The following NR2F1-AS1 variants were observed in gnomAD, a reference collection of about 807,000 sequenced individuals.
The protein encoded by NR2F1-AS1 is NR2F1 regulatory antisense RNA 1.
intron 2 of NR2F1-AS1, among the ~76,000 whole-genome samples, chr5:93,562,272 A>G (rs1421248650): frequency 6.6e-6 from 1 of 152,128 alleles, no homozygotes; most frequent in Non-Finnish European, 1.5e-5. Context: ...TTTAAGATAC[A>G]TACTAAATAA....
intron 4 of NR2F1-AS1, among the ~76,000 whole-genome samples, chr5:93,489,047 A>G (rs1381523556): frequency 1.3e-5 from 2 of 152,140 alleles, no homozygotes; most frequent in East Asian, 1.9e-4. Context: ...GAGTTGAACA[A>G]TGAGAACACA....
intron 4 of NR2F1-AS1, among the ~76,000 whole-genome samples, chr5:93,465,854 T>TA (rs921793279): frequency 6.7e-6 from 1 of 148,880 alleles, no homozygotes; most frequent in Non-Finnish European, 1.5e-5. Flanking sequence ...TGTTCTCACT[T>TA]ATAGGTGGGA....
At chr5:93,461,154 T>TA (rs1186354713) in intron 4 of NR2F1-AS1, among the ~76,000 whole-genome samples, 3 of 152,084 alleles carry the variant, frequency 2.0e-5, no homozygotes, top group Non-Finnish European at 4.4e-5. Context: ...TATGCAGCCA[T>TA]AAAAAGGAAC....
At chr5:93,537,830 A>T (rs1416474154) in intron 4 of NR2F1-AS1, among the ~76,000 whole-genome samples, 1 of 152,150 alleles carries the variant, frequency 6.6e-6, no homozygotes, top group Non-Finnish European at 1.5e-5. Context: ...CATTTCATTC[A>T]ATGTCCTTCA....
At chr5:93,462,872 T>G (rs1005949679) in intron 4 of NR2F1-AS1, among the ~76,000 whole-genome samples, 1 of 152,138 alleles carries the variant, frequency 6.6e-6, no homozygotes, top group African/African-American at 2.4e-5. Context: ...CAAAACATTC[T>G]AAAGGTGACT....
chr5:93,460,334 CG>C (rs1334646547), intron 4 of NR2F1-AS1, among the ~76,000 whole-genome samples: 1 of 152,062 alleles, frequency 6.6e-6, no homozygotes, highest in African/African-American at 2.4e-5. Context: ...CACGCAGCAC[CG>C]GGAAGGCTTA....
chr5:93,495,751 T>C (rs1372291276), intron 4 of NR2F1-AS1, among the ~76,000 whole-genome samples: 3 of 152,150 alleles, frequency 2.0e-5, no homozygotes, highest in African/African-American at 7.2e-5. Flanking sequence ...ACAAATATGA[T>C]GATTTGTATA....
At chr5:93,572,703 G>C (rs1752801837) in intron 1 of NR2F1-AS1, among the ~76,000 whole-genome samples, 1 of 152,244 alleles carries the variant, frequency 6.6e-6, no homozygotes, top group African/African-American at 2.4e-5. Context: ...AGACAGGCCG[G>C]TGTTTGGGGG....
In NR2F1-AS1 at chr5:93,530,075, C is replaced by CTTT. The variant is rs1227046832; in HGVS notation, n.638+23683_638+23685dup. Among the ~76,000 whole-genome samples the CTTT allele has an allele frequency of 3.7e-3, 363 of 97,896 alleles. 1 individual carries two copies. The highest frequency in any genetic ancestry group is 4.3e-3 in the Non-Finnish European group (218 of 51,066). The allele number at this position is 97,896 out of a possible 152,430, so 64.2% of individuals were successfully genotyped here. A position where few individuals can be genotyped will look rare whatever the true frequency, so the allele number is the denominator to read the frequency against. On this transcript the variant is annotated intron_variant and non_coding_transcript_variant, in intron 4 of 5. Transcript: ENST00000660523. The stretch of plus-strand genomic sequence containing the variant: ...CTGCCTCCCACCTACAATTTGAAGG[C>CTTT]TTTTTTTTTTTTTTTTTTTTTTTGA...
chr5:93,563,132 G>C, intron 2 of NR2F1-AS1, among the ~76,000 whole-genome samples: 1 of 152,184 alleles, frequency 6.6e-6, no homozygotes, highest in East Asian at 1.9e-4. Flanking sequence ...AGTAGAAATG[G>C]TGTATATATT....
chr5:93,564,004 A>G (rs1452037931), intron 1 of NR2F1-AS1, among the ~76,000 whole-genome samples: 1 of 150,818 alleles, frequency 6.6e-6, no homozygotes, highest in African/African-American at 2.4e-5. Context: ...CGGGAGGCTG[A>G]GAAAAGAGAA....
chr5:93,497,682 G>GTAATA (rs917367219), intron 4 of NR2F1-AS1, among the ~76,000 whole-genome samples: 14 of 152,092 alleles, frequency 9.2e-5, no homozygotes, highest in African/African-American at 3.4e-4. Flanking sequence ...TATACTTAAT[G>GTAATA]TAATAAATAT....
At chr5:93,455,490 C>G (rs1463283665) in intron 4 of NR2F1-AS1, among the ~76,000 whole-genome samples, 1 of 151,974 alleles carries the variant, frequency 6.6e-6, no homozygotes, top group African/African-American at 2.4e-5. Context: ...TAAACTCAAC[C>G]ATACCAATAA....
chr5:93,567,008 T>C (rs1008739828), intron 1 of NR2F1-AS1, among the ~76,000 whole-genome samples: 1 of 152,072 alleles, frequency 6.6e-6, no homozygotes, highest in Non-Finnish European at 1.5e-5. Context: ...AATTCTGTCT[T>C]ATGGGCATAT....
At chr5:93,475,153 A>G (rs1019559748) in intron 4 of NR2F1-AS1, among the ~76,000 whole-genome samples, 45 of 151,232 alleles carry the variant, frequency 3.0e-4, no homozygotes, top group Non-Finnish European at 5.2e-4. Flanking sequence ...ATGATTTCCC[A>G]TCCTGAAAAT....
chr5:93,418,913 G>C (rs1461464979), intron 4 of NR2F1-AS1, among the ~76,000 whole-genome samples: 1 of 152,168 alleles, frequency 6.6e-6, no homozygotes, highest in East Asian at 1.9e-4. Context: ...AAACCTTCCT[G>C]GGTGTGTTGG....
At chr5:93,553,437 C>G (rs546063153) in intron 4 of NR2F1-AS1, among the ~76,000 whole-genome samples, 1 of 152,216 alleles carries the variant, frequency 6.6e-6, no homozygotes, top group South Asian at 2.1e-4. Flanking sequence ...CAATATCACT[C>G]TTTTCTAATC....
chr5:93,527,994 A>G (rs1320797765), intron 4 of NR2F1-AS1, among the ~76,000 whole-genome samples: 5 of 152,254 alleles, frequency 3.3e-5, no homozygotes, highest in African/African-American at 1.2e-4. Context: ...AAACTAACAA[A>G]CAGGATCTAA....
intron 4 of NR2F1-AS1, among the ~76,000 whole-genome samples, chr5:93,442,125 G>A (rs1435651192): frequency 6.6e-6 from 1 of 152,198 alleles, no homozygotes; most frequent in African/African-American, 2.4e-5. Flanking sequence ...CTCCCAGCGT[G>A]AGCAACACAA....
Sources: gnomAD v4.1 joint callset for allele counts (sites outside exome capture counted in the v4.1 genomes callset) on GRCh38, gnomAD v4.1.1 for gene constraint, MANE v1.5 for transcripts, NCBI Gene and HGNC (gene_info 2026-07-23, HGNC 2026-07-21) for gene names.